TRPC4: variants seen among roughly 807,000 people sequenced by gnomAD.
The protein encoded by TRPC4 is transient receptor potential cation channel subfamily C member 4.
In TRPC4, 49 loss-of-function variants were observed where a neutral mutation model predicts 99.4. The observed-to-expected ratio is 0.49, with a 90% CI of 0.39 to 0.63. TRPC4 has a LOEUF of 0.63. Among genes scored for constraint, TRPC4 ranks in the 20% least tolerant of loss-of-function variants. The pLI, the probability that TRPC4 is intolerant of heterozygous loss-of-function variation, is 0.00. For missense variants in TRPC4, 898 were observed against 1,152.9 expected (o/e 0.78, Z 3.20); for synonymous variants, 454 against 425.9 (o/e 1.07, Z -0.81).
At chr13:37,732,520 T>C (rs879440997) in intron 3 of TRPC4, among the ~76,000 whole-genome samples, 4 of 151,890 alleles carry the variant, frequency 2.6e-5, no homozygotes, top group Non-Finnish European at 5.9e-5. Flanking sequence ...AAAGAAGAAG[T>C]AAAATTAACC....
chr13:37,653,213 TC>T, intron 7 of TRPC4, among the ~76,000 whole-genome samples: 1 of 152,250 alleles, frequency 6.6e-6, no homozygotes, highest in East Asian at 1.9e-4. Context: ...ATTCTTTGTA[TC>T]CCGAAAATTA....
intron 3 of TRPC4, among the ~76,000 whole-genome samples, chr13:37,718,056 A>G (rs1395009412): frequency 6.6e-6 from 1 of 152,016 alleles, no homozygotes; most frequent in Non-Finnish European, 1.5e-5. Flanking sequence ...GAAAATATGA[A>G]TAATAATGGC....
In TRPC4 at chr13:37,637,083, T is replaced by G; in HGVS notation, c.2754A>C (p.Thr918=). Residue 918 remains threonine, a synonymous_variant, in exon 11 of 11, where the codon ACA becomes ACC. Transcript: ENST00000379705. ...LVDHRERNTD[T]LGLQVGKRVC... The stretch of plus-strand genomic sequence containing the variant: ...CTCTCTTTCCTACCTGTAACCCCAG[T>G]GTGTCCGTATTCCTTTCTCTATGGT... 1 of 1,613,794 alleles carries G rather than the reference T, an allele frequency of 6.2e-7. No individual in the cohort carries two copies. The highest frequency in any genetic ancestry group is 8.5e-7 in the Non-Finnish European group (1 of 1,179,788).
chr13:37,786,706 G>T (rs1185507090), intron 1 of TRPC4, among the ~76,000 whole-genome samples: 1 of 151,944 alleles, frequency 6.6e-6, no homozygotes, highest in Non-Finnish European at 1.5e-5. Context: ...CTTTGGAGGG[G>T]AAATGATTTC....
At chr13:37,815,016 T>G (rs1211271390) in intron 1 of TRPC4, among the ~76,000 whole-genome samples, 1 of 151,704 alleles carries the variant, frequency 6.6e-6, no homozygotes, top group Non-Finnish European at 1.5e-5. Context: ...GGTCAGAAAA[T>G]AAACCCTTAT....
At chr13:37,866,854 G>GGGC (rs556365024) in intron 1 of TRPC4, among the ~76,000 whole-genome samples, 2 of 111,860 alleles carry the variant, frequency 1.8e-5, no homozygotes, top group South Asian at 2.9e-4. Context: ...TGTGGGGGGG[G>GGGC]GCGGGTATAG....
At chr13:37,778,433 T>C (rs1386574464) in intron 2 of TRPC4, among the ~76,000 whole-genome samples, 1 of 151,978 alleles carries the variant, frequency 6.6e-6, no homozygotes, top group Admixed American at 6.6e-5. Context: ...GTATTAATAT[T>C]GTTGTTATTT....
chr13:37,773,121 C>A lies in TRPC4; in HGVS notation c.378+9835G>T, dbSNP rs765693658. Among the ~76,000 whole-genome samples, 64 of 151,744 alleles carry A rather than the reference C, an allele frequency of 4.2e-4. 1 individual carries two copies. Among genetic ancestry groups the A allele is most frequent in the South Asian group, 6.2e-4 (3 of 4,826 alleles). ...CTCTGGCTGAAGGAATTTCAGGACACTTGCTCCATCAAAAGCATGGAAAGA... is the reference window on the plus strand; with the variant it reads ...CTCTGGCTGAAGGAATTTCAGGACAATTGCTCCATCAAAAGCATGGAAAGA... On this transcript the variant is annotated intron_variant, in intron 2 of 10. Coordinates refer to ENST00000379705, the MANE Select transcript of TRPC4 (RefSeq NM_016179.4).
intron 1 of TRPC4, chr13:37,855,052 A>G (rs937163645): frequency 6.6e-6 from 1 of 151,870 alleles, no homozygotes; most frequent in East Asian, 1.9e-4. Flanking sequence ...GGCTGAATGG[A>G]TAAAAAAATA....
rs180923730 is a variant in TRPC4 at position 37,752,992 on chromosome 13, G to A, written c.379-6537C>T. On this transcript the variant is annotated intron_variant, in intron 2 of 10. Transcript: ENST00000379705. The stretch of plus-strand genomic sequence containing the variant: ...TTTCTCCCTCCACACACACACACAC[G>A]CACACACACACACACACAGTATAAT... 1.3e-3 allele frequency among the ~76,000 whole-genome samples: 182 copies of A among 140,328 alleles called. 1 individual carries two copies. Among genetic ancestry groups the A allele is most frequent in the African/African-American group, 1.6e-3 (64 of 38,852 alleles). 92.1% of individuals were successfully genotyped at this position (140,328 alleles called of 152,430 possible). A position where few individuals can be genotyped will look rare whatever the true frequency, so the allele number is the denominator to read the frequency against.
rs1488118273 is a variant in TRPC4 at position 37,663,544 on chromosome 13, T to A, written c.1560A>T (p.Leu520=). 6.2e-7 allele frequency: 1 copy of A among 1,614,244 alleles called. No homozygotes were observed. Among genetic ancestry groups the A allele is most frequent in the East Asian group, 2.2e-5 (1 of 44,888 alleles). The part of the protein sequence containing the change: ...GRMLLDILKF[L]FIYCLVLLAF... ...CTAGCAACACAAGGCAGTATATGAA[T>A]AGAAACTTCAAAATGTCCAGGAGCA... Residue 520 remains leucine, a synonymous_variant, in exon 6 of 11, where the codon CTA becomes CTT. Coordinates refer to ENST00000379705, the MANE Select transcript of TRPC4 (RefSeq NM_016179.4).
At chr13:37,827,970 C>T (rs887655241) in intron 1 of TRPC4, among the ~76,000 whole-genome samples, 2 of 152,212 alleles carry the variant, frequency 1.3e-5, no homozygotes, top group Admixed American at 6.5e-5. Flanking sequence ...GATATAATCT[C>T]GTGGTGGGCC....
chr13:37,663,450 T>C lies in TRPC4; in HGVS notation c.1654A>G (p.Ile552Val), dbSNP rs1952523677. The change falls in exon 6 of 11, where the codon ATA (isoleucine) becomes GTA (valine). Residue 552 changes from isoleucine to valine, a missense_variant. Around this residue, in one of 3 missense-constraint regions of TRPC4, gnomAD observed 274 missense variants for 454.9 expected, o/e 0.60. Coordinates refer to ENST00000379705, the MANE Select transcript of TRPC4 (RefSeq NM_016179.4). ...EETKGLTCKG[I>V]RCEKQNNAFS... ...GCATTATTCTGCTTTTCACATCTTA[T>C]GCCTTTGCAGGTTAACCCTTTCGTT... 6.2e-7 allele frequency: 1 copy of C among 1,613,950 alleles called. No individual in the cohort carries two copies. The highest frequency in any genetic ancestry group is 8.5e-7 in the Non-Finnish European group (1 of 1,179,966).
intron 3 of TRPC4, among the ~76,000 whole-genome samples, chr13:37,714,077 C>T (rs980011626): frequency 6.6e-6 from 1 of 151,442 alleles, no homozygotes; most frequent in South Asian, 2.1e-4. Context: ...CCCTCCCTCC[C>T]TTTCTCCCTT....
intron 8 of TRPC4, among the ~76,000 whole-genome samples, chr13:37,644,359 C>A (rs1951807070): frequency 6.6e-6 from 1 of 151,810 alleles, no homozygotes; most frequent in Non-Finnish European, 1.5e-5. Context: ...TTAAAAATAC[C>A]TAAGTGGGTA....
At chr13:37,730,023 A>T (rs1351384600) in intron 3 of TRPC4, among the ~76,000 whole-genome samples, 1 of 152,136 alleles carries the variant, frequency 6.6e-6, no homozygotes, top group Non-Finnish European at 1.5e-5. Flanking sequence ...AAAACAGAAC[A>T]AAACAAAGCA....
chr13:37,644,797 C>T (rs763447404), intron 8 of TRPC4, among the ~76,000 whole-genome samples: 16 of 134,044 alleles, frequency 1.2e-4, no homozygotes, highest in East Asian at 2.4e-4. Context: ...GGCGTGAACC[C>T]GGGAGGTGGA....
intron 3 of TRPC4, among the ~76,000 whole-genome samples, chr13:37,732,219 A>G (rs1486537617): frequency 6.6e-6 from 1 of 152,162 alleles, no homozygotes; most frequent in South Asian, 2.1e-4. Context: ...GTAAATGTAC[A>G]TGCTCTATAT....
At chr13:37,641,365 C>A (rs751686927) in intron 8 of TRPC4, among the ~76,000 whole-genome samples, 1 of 152,070 alleles carries the variant, frequency 6.6e-6, no homozygotes, top group African/African-American at 2.4e-5. Context: ...TAAGTTAATG[C>A]GATTCATTGT....
Sources: allele counts gnomAD v4.1 joint callset (sites outside exome capture counted in the v4.1 genomes callset), GRCh38; gene constraint gnomAD v4.1.1; regional missense constraint gnomAD v4.1.1; transcripts MANE v1.5; gene names NCBI Gene and HGNC (gene_info 2026-07-23, HGNC 2026-07-21).